CIT: variants seen among roughly 807,000 people sequenced by gnomAD.
The protein encoded by CIT is citron rho-interacting serine/threonine kinase, also known as citron Rho-interacting kinase.
CIT carries 79 observed loss-of-function variants against 272.7 expected under a neutral mutation model. That is an observed-to-expected ratio of 0.29 (90% CI 0.24 to 0.35). The LOEUF (loss-of-function observed/expected upper bound fraction) is 0.35, where lower values mean the gene tolerates loss of function less well. Among genes scored for constraint, CIT ranks in the 10% least tolerant of loss-of-function variants. CIT has a pLI of 1.00. For missense variants in CIT, 1,909 were observed against 2,618.3 expected (o/e 0.73, Z 5.91); for synonymous variants, 948 against 995.6 (o/e 0.95, Z 0.90).
intron 10 of CIT, among the ~76,000 whole-genome samples, chr12:119,790,206 A>G (rs1700371250): frequency 6.6e-6 from 1 of 152,084 alleles, no homozygotes; most frequent in African/African-American, 2.4e-5. Flanking sequence ...ATAATATTAC[A>G]TACATATTAT....
At chr12:119,837,866 G>A (rs1370834078) in intron 5 of CIT, among the ~76,000 whole-genome samples, 1 of 152,122 alleles carries the variant, frequency 6.6e-6, no homozygotes, top group Non-Finnish European at 1.5e-5. Context: ...CAGGAGTTTT[G>A]AGACCAGCTT....
intron 5 of CIT, 70 bp from the exon 6 acceptor site, chr12:119,834,298 G>A (rs1028326540): frequency 1.3e-5 from 18 of 1,337,288 alleles, no homozygotes; most frequent in Non-Finnish European, 1.7e-5. Flanking sequence ...TTAGATCCTC[G>A]AATATCACCT....
intron 2 of CIT, among the ~76,000 whole-genome samples, chr12:119,873,732 A>C (rs1051750016): frequency 6.6e-6 from 1 of 151,856 alleles, no homozygotes; most frequent in Non-Finnish European, 1.5e-5. Context: ...CTAAGCTTTC[A>C]ATTTGTTTCC....
At chr12:119,808,476 A>G in intron 9 of CIT, among the ~76,000 whole-genome samples, 1 of 152,194 alleles carries the variant, frequency 6.6e-6, no homozygotes, top group African/African-American at 2.4e-5. Context: ...GAAACCCAGG[A>G]AATGATATGC....
Position 119,721,384 on chromosome 12 carries a change from C to T in CIT, c.3657G>A (p.Leu1219=). ...KNHIFRLTQG[L]QEALDRADLL... ...GATCAGCCCGATCTAGAGCTTCTTG[C>T]AGTCCTTGAGTCAGACGGAAAATGT... The change falls in exon 29 of 48, where the codon CTG becomes CTA. Residue 1219 remains leucine, a synonymous_variant. Coordinates refer to ENST00000392521, the MANE Select transcript of CIT (RefSeq NM_001206999.2). 4.3e-6 allele frequency: 7 copies of T among 1,612,200 alleles called. No homozygotes were observed. Among genetic ancestry groups the T allele is most frequent in the Non-Finnish European group, 5.9e-6 (7 of 1,178,380 alleles).
intron 10 of CIT, among the ~76,000 whole-genome samples, chr12:119,795,146 C>T (rs1052569190): frequency 6.6e-6 from 1 of 152,200 alleles, no homozygotes; most frequent in African/African-American, 2.4e-5. Context: ...CTTTGGGAGG[C>T]CGAGGCTGGC....
intron 4 of CIT, among the ~76,000 whole-genome samples, chr12:119,850,875 G>A (rs1024831767): frequency 1.3e-5 from 2 of 152,162 alleles, no homozygotes; most frequent in Admixed American, 6.5e-5. Context: ...ACGTGAAAGG[G>A]CAACCCAGAG....
intron 2 of CIT, among the ~76,000 whole-genome samples, chr12:119,870,549 CAAAAAAAAAAAAAA>C (rs57894300): frequency 1.9e-5 from 1 of 52,412 alleles, no homozygotes; most frequent in Admixed American, 2.8e-4. Flanking sequence ...GACTCCCTCT[CAAAAAAAAAAAAAA>C]AAAAAAAAAA....
chr12:119,814,087 C>G (rs1480440558), intron 9 of CIT, among the ~76,000 whole-genome samples: 1 of 152,162 alleles, frequency 6.6e-6, no homozygotes, highest in African/African-American at 2.4e-5. Flanking sequence ...ATACTCCTTT[C>G]ATCTAGATTT....
intron 22 of CIT, 116 bp downstream of exon 22, chr12:119,757,255 C>A: frequency 7.4e-7 from 1 of 1,352,196 alleles, no homozygotes; most frequent in Non-Finnish European, 1.0e-6. Flanking sequence ...AGTCTGCCCC[C>A]TTAACCACCA....
At chr12:119,830,192 C>T (rs1371761353) in intron 7 of CIT, among the ~76,000 whole-genome samples, 4 of 150,964 alleles carry the variant, frequency 2.6e-5, no homozygotes, top group East Asian at 1.9e-4. Flanking sequence ...CTGCCTGTCA[C>T]GTTCCAACCC....
At chr12:119,848,014 C>CCTGGTGTGTTTCTAGGTAAG (rs1969940724) in intron 5 of CIT, among the ~76,000 whole-genome samples, 1 of 152,152 alleles carries the variant, frequency 6.6e-6, no homozygotes, top group Non-Finnish European at 1.5e-5. Flanking sequence ...TCCTGGAACA[C>CCTGGTGTGTTTCTAGGTAAG]CAGCAACCCT....
At chr12:119,824,098 T>C (rs1038832205) in intron 8 of CIT, among the ~76,000 whole-genome samples, 1 of 104,124 alleles carries the variant, frequency 9.6e-6, no homozygotes, top group Non-Finnish European at 1.9e-5. Context: ...TATTAGAAAA[T>C]AGTTTTACTG....
intron 5 of CIT, among the ~76,000 whole-genome samples, chr12:119,842,388 CAAAAAAAAA>C (rs58634070): frequency 7.0e-5 from 5 of 71,530 alleles, no homozygotes; most frequent in African/African-American, 2.6e-4. Flanking sequence ...GACTGCATCT[CAAAAAAAAA>C]AAAAAAAAAA....
chr12:119,697,083 C>G lies in CIT; in HGVS notation c.5882+576G>C, dbSNP rs1379559049. ...AGGAGTCCCTGACCTGCTCTCACGA[C>G]CTCACATCTCTGGACCTCCAGGCAT... On this transcript the variant is annotated intron_variant, in intron 46 of 47. Transcript: ENST00000392521. The surrounding 1 kb of genome is among the most constrained non-coding windows in gnomAD (Gnocchi z 4.9). 6.6e-6 allele frequency among the ~76,000 whole-genome samples: 1 copy of G among 152,166 alleles called. No homozygotes were observed. The highest frequency in any genetic ancestry group is 2.4e-5 in the African/African-American group (1 of 41,422).
In CIT at chr12:119,694,973, C is replaced by A. The variant is rs1367582608; in HGVS notation, c.5882+2686G>T. 6.6e-6 allele frequency among the ~76,000 whole-genome samples: 1 copy of A among 152,074 alleles called. No homozygotes were observed. The highest frequency in any genetic ancestry group is 1.5e-5 in the Non-Finnish European group (1 of 68,034). ...CAGAGCTCTAGAAATTAACCCTAGC[C>A]CTTTGCGCGGCCACTCTCGAGGCAG... On this transcript the variant is annotated intron_variant, in intron 46 of 47. Coordinates refer to ENST00000392521, the MANE Select transcript of CIT (RefSeq NM_001206999.2). The surrounding 1 kb of genome is among the most constrained non-coding windows in gnomAD (Gnocchi z 4.5).
Position 119,808,500 on chromosome 12 carries a change from A to G in CIT, c.1112-5111T>C, listed in dbSNP as rs190046762. 1.8e-4 allele frequency among the ~76,000 whole-genome samples: 27 copies of G among 152,214 alleles called. No homozygotes were observed. The East Asian group carries it at 4.4e-3, about 25-fold the overall frequency. ...GAAATGATATGCTTCAGAGTACCCA[A>G]TGTATTCATGAAGAACTAGCATATT... is the stretch of plus-strand genomic sequence containing the variant. On this transcript the variant is annotated intron_variant, in intron 9 of 47. Transcript: ENST00000392521.
intron 2 of CIT, among the ~76,000 whole-genome samples, chr12:119,871,455 G>GAAA (rs1950675726): frequency 6.6e-6 from 1 of 151,956 alleles, no homozygotes; most frequent in Non-Finnish European, 1.5e-5. Context: ...GAGAATTTAA[G>GAAA]AAAAACAAAC....
At chr12:119,755,963 C>G (rs751605827) in intron 22 of CIT, among the ~76,000 whole-genome samples, 4 of 152,312 alleles carry the variant, frequency 2.6e-5, no homozygotes, top group Non-Finnish European at 5.9e-5. Context: ...GACTAGGTCA[C>G]GGGGCTGTCA....
Sources: allele counts gnomAD v4.1 joint callset (sites outside exome capture counted in the v4.1 genomes callset), GRCh38; gene constraint gnomAD v4.1.1; non-coding constraint Gnocchi (gnomAD v3.1); transcripts MANE v1.5; gene names NCBI Gene and HGNC (gene_info 2026-07-23, HGNC 2026-07-21).